Variants in LZTFL1 observed in about 807,000 individuals in gnomAD.
LZTFL1 encodes leucine zipper transcription factor-like protein 1.
LZTFL1 carries 25 observed loss-of-function variants against 45.9 expected under a neutral mutation model. The observed-to-expected ratio is 0.54, with a 90% CI of 0.40 to 0.76. The LOEUF is 0.76. Ranked by LOEUF, LZTFL1 falls within the 30% of genes least tolerant of loss-of-function variation. The pLI, the probability that LZTFL1 is intolerant of heterozygous loss-of-function variation, is 0.00. For missense variants in LZTFL1, 277 were observed against 331.1 expected, an observed-to-expected ratio of 0.84 and a Z score of 1.27; for synonymous variants, 93 against 117.4, an observed-to-expected ratio of 0.79 and a Z score of 1.35.
At chr3:45,915,537 T>C (rs1184046688) in exon 1 of LZTFL1, 3 of 456,524 alleles carry the variant, frequency 6.6e-6, no homozygotes, top group Non-Finnish European at 1.3e-5. Context: ...ATTTTTTCTG[T>C]GATGATTCTA....
chr3:45,893,861 C>T (rs1013103925), intron 2 of LZTFL1, among the ~76,000 whole-genome samples: 3 of 152,294 alleles, frequency 2.0e-5, no homozygotes, highest in Non-Finnish European at 4.4e-5. Flanking sequence ...TCTTAAGAAA[C>T]TGCCAGTTTT....
At position 45,835,783 on chromosome 3, in the gene LZTFL1, G is replaced by A; in HGVS notation, c.130C>T (p.Leu44=). 1 of 1,588,526 alleles carries A rather than the reference G, an allele frequency of 6.3e-7. No individual in the cohort carries two copies. The highest frequency in any genetic ancestry group is 8.6e-7 in the Non-Finnish European group (1 of 1,163,826). ...SCFQDLKESR[L]VEDTFTIDEV... Reference sequence around the variant, plus strand: ...TCTATGGTGAAGGTGTCCTCCACCAGCCTGAAAAACAACCATGATCCAAAA... The same window carrying A: ...TCTATGGTGAAGGTGTCCTCCACCAACCTGAAAAACAACCATGATCCAAAA... The change falls in exon 3 of 10, where the codon CTG becomes TTG. Residue 44 remains leucine, a splice_region_variant and synonymous_variant. Coordinates refer to ENST00000296135, the MANE Select transcript of LZTFL1 (RefSeq NM_020347.4).
chr3:45,870,607 C>A (rs1006611828), intron 2 of LZTFL1, among the ~76,000 whole-genome samples: 5 of 152,174 alleles, frequency 3.3e-5, no homozygotes, highest in African/African-American at 1.2e-4. Flanking sequence ...TATATTTGTA[C>A]AAATACAAAG....
At chr3:45,870,190 T>G (rs1701649389) in intron 2 of LZTFL1, among the ~76,000 whole-genome samples, 1 of 152,186 alleles carries the variant, frequency 6.6e-6, no homozygotes, top group Non-Finnish European at 1.5e-5. Context: ...CACGAGGGCA[T>G]GCAGAAAGCT....
At chr3:45,848,634 A>G (rs1701256762) in intron 4 of LZTFL1, among the ~76,000 whole-genome samples, 2 of 152,246 alleles carry the variant, frequency 1.3e-5, no homozygotes, top group Non-Finnish European at 1.5e-5. Context: ...AAATTATTAC[A>G]TTAGTACAAA....
At chr3:45,851,566 G>T (rs1701310643) in intron 4 of LZTFL1, among the ~76,000 whole-genome samples, 1 of 152,062 alleles carries the variant, frequency 6.6e-6, no homozygotes, top group Admixed American at 6.6e-5. Flanking sequence ...TAGCCCATCA[G>T]TCCTTCTCTT....
intron 2 of LZTFL1, among the ~76,000 whole-genome samples, chr3:45,866,407 C>T (rs1431253279): frequency 1.3e-5 from 2 of 151,996 alleles, no homozygotes; most frequent in African/African-American, 4.8e-5. Flanking sequence ...AAAAGAAAAC[C>T]GTTAACATTT....
intron 2 of LZTFL1, among the ~76,000 whole-genome samples, chr3:45,882,823 ATTATTATTATT>A: frequency 6.8e-6 from 1 of 146,642 alleles, no homozygotes; most frequent in South Asian, 2.1e-4. Flanking sequence ...TATTATTATT[ATTATTATTATT>A]AACATTTTTT....
In LZTFL1 at chr3:45,901,321, C is replaced by T. The variant is rs1438826504; in HGVS notation, c.-215+11799G>A. ...TTTACCATCTGGGTATTGGCAGCTGCTCTCTGCATCCCAGAAATCTTATAC... is the reference window on the plus strand; with the variant it reads ...TTTACCATCTGGGTATTGGCAGCTGTTCTCTGCATCCCAGAAATCTTATAC... On this transcript the variant is annotated intron_variant, in intron 2 of 4. Transcript: ENST00000472635. The surrounding 1 kb of genome is among the most constrained non-coding windows in gnomAD (Gnocchi z 4.3). The T allele has an allele frequency of 1.2e-6, 2 of 1,614,076 alleles. No homozygotes were observed. Among genetic ancestry groups the T allele is most frequent in the African/African-American group, 1.3e-5 (1 of 74,930 alleles).
chr3:45,874,185 T>C (rs2125719044), intron 2 of LZTFL1, among the ~76,000 whole-genome samples: 1 of 152,296 alleles, frequency 6.6e-6, no homozygotes, highest in East Asian at 1.9e-4. Flanking sequence ...TCCTCCTCTT[T>C]CCTACATCTC....
intron 2 of LZTFL1, chr3:45,895,036 G>T: frequency 1.5e-6 from 2 of 1,373,292 alleles, no homozygotes; most frequent in Non-Finnish European, 2.1e-6. Context: ...GATCCACTGT[G>T]GGGGAAGGAT....
chr3:45,869,023 C>T (rs1004224937), intron 2 of LZTFL1, among the ~76,000 whole-genome samples: 7 of 152,184 alleles, frequency 4.6e-5, no homozygotes, highest in Admixed American at 6.5e-5. Context: ...CCCACAAAGT[C>T]AGACAAGAAA....
rs187931832 is a variant in LZTFL1, at chr3:45,856,967, C to T, written c.-137-1893G>A. 7.9e-5 allele frequency among the ~76,000 whole-genome samples: 12 copies of T among 152,260 alleles called. No homozygotes were observed. In the East Asian group the frequency reaches 1.7e-3, roughly 22 times the overall value. The stretch of plus-strand genomic sequence containing the variant: ...CATTGTGGAAGACAGTGTGGCAATT[C>T]GTCAAAGATGTAGAATGAGAAATAC... On this transcript the variant is annotated intron_variant, in intron 3 of 4. Coordinates refer to the LZTFL1 transcript ENST00000472635.
chr3:45,834,371 C>A, intron 3 of LZTFL1, 73 bp from the exon 4 acceptor site: 1 of 962,864 alleles, frequency 1.0e-6, no homozygotes, highest in Non-Finnish European at 1.6e-6. Context: ...AGAGTAAAAT[C>A]ACTGGTACCA....
At chr3:45,849,632 C>T (rs1417629868) in intron 4 of LZTFL1, among the ~76,000 whole-genome samples, 1 of 152,142 alleles carries the variant, frequency 6.6e-6, no homozygotes, top group Non-Finnish European at 1.5e-5. Context: ...ATCTGACTTC[C>T]ACCCGGTCAG....
chr3:45,892,598 A>G (rs1702221396), intron 2 of LZTFL1, among the ~76,000 whole-genome samples: 1 of 152,186 alleles, frequency 6.6e-6, no homozygotes, highest in African/African-American at 2.4e-5. Flanking sequence ...TAAAAAAACT[A>G]TCTACCAGTC....
intron 2 of LZTFL1, among the ~76,000 whole-genome samples, chr3:45,891,685 C>T (rs554083530): frequency 1.3e-5 from 2 of 152,254 alleles, no homozygotes; most frequent in African/African-American, 2.4e-5. Flanking sequence ...TAATGTCCTT[C>T]ACAATTATTT....
intron 2 of LZTFL1, among the ~76,000 whole-genome samples, chr3:45,911,534 T>C (rs1575314111): frequency 6.6e-6 from 1 of 152,264 alleles, no homozygotes. Context: ...TTAGAGGCTG[T>C]TGTACTTTCT....
intron 2 of LZTFL1, among the ~76,000 whole-genome samples, chr3:45,877,741 G>GTTTTTTTT (rs71288016): frequency 7.3e-6 from 1 of 137,104 alleles, no homozygotes. Flanking sequence ...TCATTTATTA[G>GTTTTTTTT]TTTTTTTTTT....
Sources: gnomAD v4.1 joint callset for allele counts (sites outside exome capture counted in the v4.1 genomes callset) on GRCh38, gnomAD v4.1.1 for gene constraint, Gnocchi (gnomAD v3.1) non-coding constraint, MANE v1.5 for transcripts, NCBI Gene and HGNC (gene_info 2026-07-23, HGNC 2026-07-21) for gene names.